Variants in PNKD observed in about 807,000 individuals in gnomAD.
The protein encoded by PNKD is probable thioesterase PNKD.
Under a neutral mutation model 45.3 loss-of-function variants are expected in PNKD, and 36 were observed. The ratio of observed to expected loss-of-function variants is 0.80; its 90% CI spans 0.61 to 1.05. The LOEUF is 1.05. Among genes scored for constraint, PNKD ranks in the 50% least tolerant of loss-of-function variants. The pLI is 0.00. For missense variants in PNKD, 511 were observed against 506.6 expected (o/e 1.01, Z -0.08); for synonymous variants, 197 against 210.1 (o/e 0.94, Z 0.54).
intron 2 of PNKD, among the ~76,000 whole-genome samples, chr2:218,300,061 CCT>C (rs1231795445): frequency 6.6e-6 from 1 of 152,066 alleles, no homozygotes; most frequent in Non-Finnish European, 1.5e-5. Flanking sequence ...CTGACCACCA[CCT>C]CTTTCTTATC....
At position 218,282,252 on chromosome 2, in the gene PNKD, C is replaced by T. The variant is rs1012089986; in HGVS notation, c.236+10703C>T. 2.6e-5 allele frequency: 23 copies of T among 870,376 alleles called. No individual in the cohort carries two copies. The South Asian group carries it at 3.4e-4, about 13-fold the overall frequency. 53.9% of individuals were successfully genotyped at this position (870,376 alleles called of 1,614,324 possible). A position where few individuals can be genotyped will look rare whatever the true frequency, so the allele number is the denominator to read the frequency against. On this transcript the variant is annotated intron_variant, in intron 2 of 9. Coordinates refer to ENST00000273077, the MANE Select transcript of PNKD (RefSeq NM_015488.5). ...CTCACTCAGCCTCATGGGCCCACTT[C>T]CAGCCTTGTCCAGGCTGCCTCCGTG...
At chr2:218,332,979 C>T (rs1559528822) in intron 2 of PNKD, among the ~76,000 whole-genome samples, 1 of 152,208 alleles carries the variant, frequency 6.6e-6, no homozygotes. Context: ...TGCCACATCA[C>T]CCAGAACCGT....
chr2:218,323,339 C>T, intron 2 of PNKD: 1 of 1,579,954 alleles, frequency 6.3e-7, no homozygotes, highest in Non-Finnish European at 8.6e-7. Flanking sequence ...TCCTTGTCCT[C>T]GTCCTACTTG....
chr2:218,337,407 T>G (rs1047131948), intron 2 of PNKD, among the ~76,000 whole-genome samples: 3 of 152,198 alleles, frequency 2.0e-5, no homozygotes, highest in Admixed American at 6.6e-5. Flanking sequence ...CTGCCAGCAC[T>G]GTTGGCTTGC....
At chr2:218,321,424 G>A (rs894360703) in intron 2 of PNKD, among the ~76,000 whole-genome samples, 4 of 152,212 alleles carry the variant, frequency 2.6e-5, no homozygotes, top group East Asian at 3.9e-4. Flanking sequence ...AATTACAGGC[G>A]AGGAGACAGG....
In PNKD at chr2:218,342,208, C is replaced by A. The variant is rs569859309; in HGVS notation, c.781+64C>A. On this transcript the variant is annotated intron_variant, in intron 7 of 9. Coordinates refer to ENST00000273077, the MANE Select transcript of PNKD (RefSeq NM_015488.5). ...GGAGAGACAGAAGCCAGGGCAGCCA[C>A]AGTCCCATGGAGAGCACTGAAGCCT... The A allele has an allele frequency of 2.7e-4, 376 of 1,393,936 alleles. 1 individual carries two copies. In the African/African-American group the frequency reaches 4.9e-3, roughly 18 times the overall value. 86.3% of individuals were successfully genotyped at this position (1,393,936 alleles called of 1,614,324 possible).
At chr2:218,297,608 C>G (rs963140125) in intron 2 of PNKD, among the ~76,000 whole-genome samples, 1 of 145,002 alleles carries the variant, frequency 6.9e-6, no homozygotes, top group Non-Finnish European at 1.5e-5. Flanking sequence ...TCGCTTGAAC[C>G]TGGGAGACAG....
chr2:218,335,201 G>A (rs1436522270), intron 2 of PNKD, among the ~76,000 whole-genome samples: 1 of 151,798 alleles, frequency 6.6e-6, no homozygotes, highest in Admixed American at 6.6e-5. Flanking sequence ...ATAAAAATGG[G>A]CTGGGCGCGG....
intron 2 of PNKD, among the ~76,000 whole-genome samples, chr2:218,298,482 T>C (rs1429379343): frequency 6.6e-6 from 1 of 152,174 alleles, no homozygotes; most frequent in East Asian, 1.9e-4. Context: ...CCTTGGCACC[T>C]TATCTATAAA....
Position 218,271,798 on chromosome 2 carries a change from T to G in PNKD, c.236+249T>G, listed in dbSNP as rs935493368. Reference sequence around the variant, plus strand: ...ATTCAGACTTGGGTCCCTGGCCTCATCCTCCCTTTTGGGAGCTTGGAGTGA... The same window carrying G: ...ATTCAGACTTGGGTCCCTGGCCTCAGCCTCCCTTTTGGGAGCTTGGAGTGA... On this transcript the variant is annotated intron_variant, in intron 2 of 9. Coordinates refer to ENST00000273077, the MANE Select transcript of PNKD (RefSeq NM_015488.5). Among the ~76,000 whole-genome samples the G allele has an allele frequency of 3.9e-5, 6 of 152,186 alleles. No individual in the cohort carries two copies. The South Asian group carries it at 6.2e-4, about 16-fold the overall frequency.
intron 2 of PNKD, among the ~76,000 whole-genome samples, chr2:218,302,801 A>G (rs1574677499): frequency 1.3e-5 from 2 of 152,220 alleles, no homozygotes; most frequent in Admixed American, 1.3e-4. Flanking sequence ...CAAGGTAGTC[A>G]GGGCGGGGGG....
intron 2 of PNKD, among the ~76,000 whole-genome samples, chr2:218,309,894 C>T (rs889264269): frequency 6.6e-6 from 1 of 150,740 alleles, no homozygotes; most frequent in South Asian, 2.1e-4. Context: ...GAGATCGCGA[C>T]ATTGCACTCC....
intron 2 of PNKD, chr2:218,277,765 G>A (rs1691382452): frequency 1.3e-6 from 2 of 1,574,198 alleles, no homozygotes; most frequent in Admixed American, 3.4e-5. Context: ...CAGAGCTGGG[G>A]AACGCCACCA....
intron 2 of PNKD, among the ~76,000 whole-genome samples, chr2:218,303,759 A>G (rs979049397): frequency 6.6e-6 from 1 of 151,742 alleles, no homozygotes; most frequent in African/African-American, 2.4e-5. Flanking sequence ...TATTTTTAGT[A>G]GAGATGGGGT....
chr2:218,345,201 G>C lies in PNKD; in HGVS notation c.*220G>C. On this transcript the variant is annotated 3_prime_UTR_variant, in exon 10 of 10. Coordinates refer to ENST00000273077, the MANE Select transcript of PNKD (RefSeq NM_015488.5). ...GCTGGGAACCCCGCAGCGCGAGGCT[G>C]CCTCATCAACGGCAAGAGGAAAGGA... 1.7e-6 allele frequency: 1 copy of C among 574,356 alleles called. No homozygotes were observed. Among genetic ancestry groups the C allele is most frequent in the Non-Finnish European group, 3.1e-6 (1 of 323,284 alleles). The allele number at this position is 574,356 out of a possible 1,614,324, so 35.6% of individuals were successfully genotyped here. A position where few individuals can be genotyped will look rare whatever the true frequency, so the allele number is the denominator to read the frequency against.
rs1201792156 is a variant in PNKD at position 218,271,546 on chromosome 2, C to T, written c.233C>T (p.Ala78Val). The change falls in exon 2 of 10, where the codon GCC (alanine) becomes GTC (valine). Residue 78 changes from alanine to valine, a missense_variant. Transcript: ENST00000273077. ...AACCCCATGAAAGCTGTGGGACTGG[C>T]CTGGTGAGTTTTAACCACCCCTTTG... ...GKNPMKAVGLAWYSLYTRTWL... is the reference protein window; with the variant it reads ...GKNPMKAVGLVWYSLYTRTWL... 6.2e-7 allele frequency: 1 copy of T among 1,613,980 alleles called. No homozygotes were observed. Among genetic ancestry groups the T allele is most frequent in the Admixed American group, 1.7e-5 (1 of 60,012 alleles).
At chr2:218,283,809 G>C (rs1441478852) in intron 2 of PNKD, among the ~76,000 whole-genome samples, 2 of 152,150 alleles carry the variant, frequency 1.3e-5, no homozygotes, top group Non-Finnish European at 2.9e-5. Flanking sequence ...GTTATTTTGA[G>C]GAAAGCTGTT....
intron 2 of PNKD, chr2:218,275,445 C>G: frequency 6.2e-7 from 1 of 1,601,644 alleles, no homozygotes. Flanking sequence ...AGGGAGAGCC[C>G]AGGATCGGGT....
intron 2 of PNKD, chr2:218,334,602 A>G (rs1694435079): frequency 1.5e-6 from 1 of 668,580 alleles, no homozygotes. Context: ...GCAGTGAGCT[A>G]TGGATCACAT....
Sources: allele counts gnomAD v4.1 joint callset (sites outside exome capture counted in the v4.1 genomes callset), GRCh38; gene constraint gnomAD v4.1.1; transcripts MANE v1.5; gene names NCBI Gene and HGNC (gene_info 2026-07-23, HGNC 2026-07-21).